The following ACACA variants were observed in gnomAD, a reference collection of about 807,000 sequenced individuals.
ACACA encodes the protein acetyl-CoA carboxylase alpha, also known as acetyl-CoA carboxylase 1.
In ACACA, 103 loss-of-function variants were observed where a neutral mutation model predicts 296.1. The ratio of observed to expected loss-of-function variants is 0.35; its 90% CI spans 0.30 to 0.41. The LOEUF is 0.41. ACACA is among the 10% of genes least tolerant of loss of function. The probability of loss-of-function intolerance (pLI) is 1.00; values close to 1 mark genes in which losing one functional copy is unlikely to be tolerated. For missense variants in ACACA, 1,554 were observed against 2,989.7 expected, an observed-to-expected ratio of 0.52 and a Z score of 11.20; for synonymous variants, 953 against 1,038.6, an observed-to-expected ratio of 0.92 and a Z score of 1.58.
intron 42 of ACACA, among the ~76,000 whole-genome samples, chr17:37,157,452 T>C (rs532516748): frequency 4.3e-4 from 65 of 152,060 alleles, no homozygotes; most frequent in African/African-American, 1.5e-3. Flanking sequence ...TTTACTTGAA[T>C]GAATTGGGAA....
Position 37,155,241 on chromosome 17 carries a change from T to C in ACACA, c.5447+442A>G, listed in dbSNP as rs117759005. Among the ~76,000 whole-genome samples, 777 of 152,256 alleles carry C rather than the reference T, an allele frequency of 5.1e-3. 3 individuals are homozygous for C. Among genetic ancestry groups the C allele is most frequent in the Middle Eastern group, 0.017 (5 of 294 alleles). The stretch of plus-strand genomic sequence containing the variant: ...AATACTATGTAGACATTAAGCATCA[T>C]ATTCTTAAATAATGTTTTAAGAATA... On this transcript the variant is annotated intron_variant, in intron 43 of 55. Coordinates refer to ENST00000616317, the MANE Select transcript of ACACA (RefSeq NM_198834.3).
At chr17:37,295,758 A>G (rs1199659460) in intron 3 of ACACA, among the ~76,000 whole-genome samples, 1 of 151,990 alleles carries the variant, frequency 6.6e-6, no homozygotes, top group Non-Finnish European at 1.5e-5. Flanking sequence ...CCCCATCTCT[A>G]CTAAAAAATA....
intron 3 of ACACA, among the ~76,000 whole-genome samples, chr17:37,303,822 C>G (rs2083744980): frequency 6.6e-6 from 1 of 152,198 alleles, no homozygotes; most frequent in Non-Finnish European, 1.5e-5. Context: ...CGCGCCATTG[C>G]ATTCCAGCCT....
intron 26 of ACACA, 54 bp from the exon 27 acceptor site, chr17:37,225,159 C>T (rs1598237927): frequency 9.6e-7 from 1 of 1,046,322 alleles, no homozygotes; most frequent in African/African-American, 1.6e-5. Context: ...TTATTCTAGA[C>T]TCCTATTAGG....
chr17:37,200,543 AT>A lies in ACACA; in HGVS notation c.4057-61del, dbSNP rs1229077145. On this transcript the variant is annotated intron_variant, in intron 33 of 55. Coordinates refer to ENST00000616317, the MANE Select transcript of ACACA (RefSeq NM_198834.3). ...GAGATTTCCATTCATTCTAAATTTT[AT>A]CCCATTCGGCCCTTGTAAGGCTTTG... 44 of 1,491,574 alleles carry A rather than the reference AT, an allele frequency of 2.9e-5. No homozygotes were observed. In the East Asian group the frequency reaches 9.2e-4, roughly 31 times the overall value. The allele number at this position is 1,491,574 out of a possible 1,614,324, so 92.4% of individuals were successfully genotyped here. A position where few individuals can be genotyped will look rare whatever the true frequency, so the allele number is the denominator to read the frequency against.
intron 5 of ACACA, among the ~76,000 whole-genome samples, chr17:37,279,430 G>T (rs2082407555): frequency 6.6e-6 from 1 of 151,924 alleles, no homozygotes; most frequent in Non-Finnish European, 1.5e-5. Flanking sequence ...GTCAGGAGAT[G>T]GAGACCATCC....
intron 1 of ACACA, among the ~76,000 whole-genome samples, chr17:37,398,114 C>G (rs12451423): frequency 2.0e-5 from 3 of 150,300 alleles, no homozygotes; most frequent in African/African-American, 7.3e-5. Flanking sequence ...CCTGTACTCC[C>G]AGCTACTCAG....
chr17:37,268,713 ATATCTATC>A lies in ACACA; in HGVS notation c.1119+2030_1119+2037del, dbSNP rs1187101546. ...CGTAAAATGTAATATATCTATATCT[ATATCTATC>A]TATCTATCTATCTATCTATCTATAT... On this transcript the variant is annotated intron_variant, in intron 10 of 55. Transcript: ENST00000616317. Among the ~76,000 whole-genome samples the A allele has an allele frequency of 2.9e-3, 398 of 135,618 alleles. 1 individual carries two copies. The highest frequency in any genetic ancestry group is 5.2e-3 in the South Asian group (22 of 4,226). 89.0% of individuals were successfully genotyped at this position (135,618 alleles called of 152,430 possible). A position where few individuals can be genotyped will look rare whatever the true frequency, so the allele number is the denominator to read the frequency against.
chr17:37,091,121 G>A (rs535237282), intron 54 of ACACA, among the ~76,000 whole-genome samples: 29 of 152,316 alleles, frequency 1.9e-4, no homozygotes, highest in African/African-American at 6.5e-4. Context: ...TTGGTGTAAT[G>A]TATTAGCTAA....
At chr17:37,334,176 T>C (rs1260809350) in intron 2 of ACACA, among the ~76,000 whole-genome samples, 2 of 152,074 alleles carry the variant, frequency 1.3e-5, no homozygotes, top group Non-Finnish European at 2.9e-5. Context: ...CTGTTGCCTA[T>C]AGCCTTACTA....
intron 23 of ACACA, 121 bp downstream of exon 23, chr17:37,241,832 G>T: frequency 1.3e-6 from 1 of 754,090 alleles, no homozygotes; most frequent in South Asian, 1.5e-5. Context: ...TACTTTCTAA[G>T]ATATAAGATG....
intron 45 of ACACA, among the ~76,000 whole-genome samples, chr17:37,135,900 C>A (rs2075310529): frequency 6.6e-6 from 1 of 151,580 alleles, no homozygotes; most frequent in East Asian, 1.9e-4. Flanking sequence ...AAGTTAATTC[C>A]AAACAGGAAT....
chr17:37,178,118 C>T (rs999345026), intron 41 of ACACA, among the ~76,000 whole-genome samples: 6 of 152,122 alleles, frequency 3.9e-5, no homozygotes, highest in African/African-American at 1.4e-4. Flanking sequence ...ATAAAAATAT[C>T]TCTCTTTTTA....
At chr17:37,270,550 T>C (rs1281685976) in intron 10 of ACACA, among the ~76,000 whole-genome samples, 2 of 152,210 alleles carry the variant, frequency 1.3e-5, no homozygotes, top group Non-Finnish European at 2.9e-5. Context: ...CCTAATTAAA[T>C]AAAACTTAAA....
At chr17:37,129,636 G>A in intron 46 of ACACA, 151 bp from the exon 47 acceptor site, 1 of 1,079,392 alleles carries the variant, frequency 9.3e-7, no homozygotes, top group Non-Finnish European at 1.4e-6. Flanking sequence ...TCCTACGTAT[G>A]TGCCAGGCCC....
chr17:37,239,738 T>C (rs1248109584), intron 24 of ACACA, among the ~76,000 whole-genome samples: 1 of 152,220 alleles, frequency 6.6e-6, no homozygotes, highest in Non-Finnish European at 1.5e-5. Context: ...TTGGTTGTTA[T>C]GTATTATTTT....
chr17:37,289,360 C>T (rs1467945241), intron 3 of ACACA: 11 of 909,326 alleles, frequency 1.2e-5, no homozygotes, highest in Non-Finnish European at 1.7e-5. Context: ...TTTTAAAGAA[C>T]TGTTACTAAT....
intron 17 of ACACA, 124 bp from the exon 18 acceptor site, chr17:37,248,280 G>T: frequency 8.2e-7 from 1 of 1,226,916 alleles, no homozygotes; most frequent in Non-Finnish European, 1.2e-6. Context: ...TGGCACTGAT[G>T]CTATTTGCAT....
chr17:37,342,406 CAAAAAAAAAAA>C (rs1173872959), intron 1 of ACACA, among the ~76,000 whole-genome samples: 7 of 21,110 alleles, frequency 3.3e-4, no homozygotes, highest in East Asian at 1.5e-3. Flanking sequence ...GACTGTCTCT[CAAAAAAAAAAA>C]AAAAAAAAAA....
Sources: allele counts gnomAD v4.1 joint callset (sites outside exome capture counted in the v4.1 genomes callset), GRCh38; gene constraint gnomAD v4.1.1; transcripts MANE v1.5; gene names NCBI Gene and HGNC (gene_info 2026-07-23, HGNC 2026-07-21).